CLSTN3: variants seen among roughly 807,000 people sequenced by gnomAD.
CLSTN3 encodes the protein calsyntenin 3, also known as calsyntenin-3.
In CLSTN3, 36 loss-of-function variants were observed where a neutral mutation model predicts 95.9. That is an observed-to-expected ratio of 0.38 (90% CI 0.29 to 0.50). CLSTN3 has a LOEUF of 0.50. Ranked by LOEUF, CLSTN3 falls within the 20% of genes least tolerant of loss-of-function variation. The probability of loss-of-function intolerance (pLI) is 0.95; values close to 1 mark genes in which losing one functional copy is unlikely to be tolerated. For missense variants in CLSTN3, 1,084 were observed against 1,268.8 expected (o/e 0.85, Z 2.21); for synonymous variants, 481 against 504.0 (o/e 0.95, Z 0.61).
rs182868588 is a variant in CLSTN3, at chr12:7,145,374, C to T, written c.1847+2063C>T. On this transcript the variant is annotated intron_variant, in intron 12 of 17. Transcript: ENST00000266546. ...GTGTGTGTGTGTGTGTGTGTGTGCG[C>T]GCGCATTTGTGTGTATGTAACAGAC... Among the ~76,000 whole-genome samples, 908 of 151,760 alleles carry T rather than the reference C, an allele frequency of 6.0e-3. 4 individuals carry two copies. Among genetic ancestry groups the T allele is most frequent in the Non-Finnish European group, 6.5e-3 (442 of 67,854 alleles).
At chr12:7,139,972 G>A (rs1301073732) in intron 8 of CLSTN3, among the ~76,000 whole-genome samples, 1 of 152,154 alleles carries the variant, frequency 6.6e-6, no homozygotes, top group Non-Finnish European at 1.5e-5. Context: ...GATCCCCTTG[G>A]CAACTGTGGG....
chr12:7,130,759 C>T, intron 1 of CLSTN3, 47 bp downstream of exon 1: 1 of 1,405,128 alleles, frequency 7.1e-7, no homozygotes, highest in Non-Finnish European at 9.8e-7. Context: ...CGTCGGGCAG[C>T]GCCGTGCGGG....
chr12:7,132,245 C>T, intron 1 of CLSTN3: 1 of 257,240 alleles, frequency 3.9e-6, no homozygotes. Flanking sequence ...GTTTGATGGT[C>T]TTGTGGAGGA....
In CLSTN3 at chr12:7,141,317, T is replaced by C; in HGVS notation, c.1399T>C (p.Ser467Pro). The C allele has an allele frequency of 2.5e-6, 4 of 1,614,172 alleles. No individual in the cohort carries two copies. Among genetic ancestry groups the C allele is most frequent in the Non-Finnish European group, 3.4e-6 (4 of 1,180,006 alleles). ...PTVTLYTDGI[S>P]FDPALIHDNG... Reference sequence around the variant, plus strand: ...AGTCACACTCTATACCGACGGCATCTCCTTCGACCCTGCCCTCATCCATGA... The same window carrying C: ...AGTCACACTCTATACCGACGGCATCCCCTTCGACCCTGCCCTCATCCATGA... The change falls in exon 9 of 18, where the codon TCC becomes CCC. Residue 467 changes from serine (S) to proline (P), a missense_variant. Transcript: ENST00000266546. The surrounding 1 kb of genome is among the most constrained non-coding windows in gnomAD (Gnocchi z 4.1).
In CLSTN3 at chr12:7,133,861, T is replaced by C. The variant is rs1939354627; in HGVS notation, c.383+93T>C. 20 of 1,036,248 alleles carry C rather than the reference T, an allele frequency of 1.9e-5. No individual in the cohort carries two copies. Among genetic ancestry groups the C allele is most frequent in the Non-Finnish European group, 2.7e-5 (19 of 715,050 alleles). The allele number at this position is 1,036,248 out of a possible 1,614,324, so 64.2% of individuals were successfully genotyped here. On this transcript the variant is annotated intron_variant, in intron 3 of 17. Transcript: ENST00000266546. The surrounding 1 kb of genome is among the most constrained non-coding windows in gnomAD (Gnocchi z 4.7). The stretch of plus-strand genomic sequence containing the variant: ...CCTCTGTCCGTGCGGTCATCGAATA[T>C]CCACCCCCACCCGCTGCTGTTCCTA...
In CLSTN3 at chr12:7,158,207, C is replaced by T; in HGVS notation, c.*126C>T. 8.1e-7 allele frequency: 1 copy of T among 1,236,104 alleles called. No homozygotes were observed. Among genetic ancestry groups the T allele is most frequent in the Non-Finnish European group, 1.1e-6 (1 of 924,592 alleles). 76.6% of individuals were successfully genotyped at this position (1,236,104 alleles called of 1,614,324 possible). On this transcript the variant is annotated 3_prime_UTR_variant, in exon 18 of 18. Transcript: ENST00000266546. ...GAGAGAGGCTTCAGAACCAGTCCTCCTTTCATTTCAAAACCCCAGCGGGCC... is the reference window on the plus strand; with the variant it reads ...GAGAGAGGCTTCAGAACCAGTCCTCTTTTCATTTCAAAACCCCAGCGGGCC...
intron 16 of CLSTN3, among the ~76,000 whole-genome samples, chr12:7,154,885 G>A (rs111430682): frequency 0.045 from 6,800 of 152,204 alleles, 503 homozygotes; most frequent in African/African-American, 0.15. Flanking sequence ...CATAACATGC[G>A]TACTATGAGA....
In CLSTN3 at chr12:7,141,713, C is replaced by T. The variant is rs977605093; in HGVS notation, c.1486+309C>T. On this transcript the variant is annotated intron_variant, in intron 9 of 17. Transcript: ENST00000266546. This position sits in a 1 kb window ranked among gnomAD's most constrained non-coding sequence, Gnocchi z 4.1. Reference sequence around the variant, plus strand: ...GTGATGATGACTTCCATAGCCCATTCCCCTGCTCAAGGAGAGTAACCCCTT... The same window carrying T: ...GTGATGATGACTTCCATAGCCCATTTCCCTGCTCAAGGAGAGTAACCCCTT... Among the ~76,000 whole-genome samples the T allele has an allele frequency of 6.6e-6, 1 of 152,232 alleles. No individual in the cohort carries two copies. Among genetic ancestry groups the T allele is most frequent in the African/African-American group, 2.4e-5 (1 of 41,460 alleles).
chr12:7,138,180 G>T, intron 8 of CLSTN3, 113 bp downstream of exon 8: 1 of 680,040 alleles, frequency 1.5e-6, no homozygotes, highest in East Asian at 2.9e-5. Context: ...CCCTCTCTTT[G>T]CTTCTTCACT....
chr12:7,150,461 A>AG lies in CLSTN3; in HGVS notation c.2246-82dup. 1.3e-6 allele frequency: 2 copies of AG among 1,503,244 alleles called. No individual in the cohort carries two copies. Among genetic ancestry groups the AG allele is most frequent in the Non-Finnish European group, 1.8e-6 (2 of 1,111,808 alleles). The allele number at this position is 1,503,244 out of a possible 1,614,324, so 93.1% of individuals were successfully genotyped here. ...CCTGCTCTACAGCTTGTGTGGCGTC[A>AG]GCTGGTGGGAGTCCAGGAGAGAGGG... On this transcript the variant is annotated intron_variant, in intron 14 of 17. Transcript: ENST00000266546. This position sits in a 1 kb window ranked among gnomAD's most constrained non-coding sequence, Gnocchi z 4.0.
intron 8 of CLSTN3, chr12:7,138,829 C>CAAAAAAAAAAA (rs5796259): frequency 1.2e-4 from 5 of 43,222 alleles, no homozygotes; most frequent in South Asian, 1.6e-3. Flanking sequence ...AAGCAAACGG[C>CAAAAAAAAAAA]AAAAAAAAAA....
Position 7,143,027 on chromosome 12 carries a change from G to A in CLSTN3, c.1698+1G>A. 6.2e-7 allele frequency: 1 copy of A among 1,612,960 alleles called. No individual in the cohort carries two copies. Among genetic ancestry groups the A allele is most frequent in the Non-Finnish European group, 8.5e-7 (1 of 1,179,258 alleles). On this transcript the variant is annotated splice_donor_variant, in intron 11 of 17. Coordinates refer to ENST00000266546, the MANE Select transcript of CLSTN3 (RefSeq NM_014718.4). LOFTEE classifies it high-confidence loss of function. ...CGAGAGCCTGGGCAAAGGCATGAAGGTATTGCCCCATCCTCTAGCCCTGTT... is the reference window on the plus strand; with the variant it reads ...CGAGAGCCTGGGCAAAGGCATGAAGATATTGCCCCATCCTCTAGCCCTGTT...
Position 7,133,678 on chromosome 12 carries a change from A to C in CLSTN3, c.293A>C (p.Asp98Ala). ...EGLIRAKEPV[D>A]CEAQKEHTFT... ...CTGATCCGGGCCAAGGAGCCTGTGG[A>C]CTGCGAGGCCCAGAAGGAACACACC... The change falls in exon 3 of 18, where the codon GAC (aspartate) becomes GCC (alanine). Residue 98 changes from aspartate to alanine, a missense_variant. Transcript: ENST00000266546. The surrounding 1 kb of genome is among the most constrained non-coding windows in gnomAD (Gnocchi z 4.7). The C allele has an allele frequency of 6.2e-7, 1 of 1,614,070 alleles. No homozygotes were observed.
At chr12:7,136,165 C>A in intron 5 of CLSTN3, 41 bp from the exon 6 acceptor site, 1 of 1,593,606 alleles carries the variant, frequency 6.3e-7, no homozygotes, top group Non-Finnish European at 8.6e-7. Flanking sequence ...GCTGCTTTAC[C>A]CTTCTCTCTC....
intron 8 of CLSTN3, among the ~76,000 whole-genome samples, chr12:7,140,969 C>T (rs770483252): frequency 6.6e-6 from 1 of 152,290 alleles, no homozygotes; most frequent in East Asian, 1.9e-4. Context: ...GGAATTTATT[C>T]ATGAAAGTGT....
chr12:7,148,071 G>A (rs141342545), intron 12 of CLSTN3, among the ~76,000 whole-genome samples: 245 of 151,910 alleles, frequency 1.6e-3, no homozygotes, highest in South Asian at 7.3e-3. Context: ...CAGAGGAATC[G>A]CTTGAACCCA....
In CLSTN3 at chr12:7,149,781, A is replaced by G. The variant is rs960135080; in HGVS notation, c.2245+88A>G. The G allele has an allele frequency of 1.4e-5, 18 of 1,274,530 alleles. No homozygotes were observed. The African/African-American group carries it at 2.7e-4, about 19-fold the overall frequency. The allele number at this position is 1,274,530 out of a possible 1,614,324, so 79.0% of individuals were successfully genotyped here. A position where few individuals can be genotyped will look rare whatever the true frequency, so the allele number is the denominator to read the frequency against. The stretch of plus-strand genomic sequence containing the variant: ...AGGAAGCCCAGAGGGTCCTCCTTCC[A>G]GGTCCAGGGATGTGGACAAGTGCCG... On this transcript the variant is annotated intron_variant, in intron 14 of 17. Transcript: ENST00000266546. The surrounding 1 kb of genome is among the most constrained non-coding windows in gnomAD (Gnocchi z 4.5).
In CLSTN3 at chr12:7,130,700, TC is replaced by T. The variant is rs1295975564; in HGVS notation, c.54del (p.Cys19ValfsTer28). 1.9e-6 allele frequency: 3 copies of T among 1,557,752 alleles called. No homozygotes were observed. The highest frequency in any genetic ancestry group is 2.6e-6 in the Non-Finnish European group (3 of 1,150,826). Reference sequence around the variant, plus strand: ...GCTGGCCTCTCTGCTCGCGTCCTGCTCCTGTAACAAAGGTGAGTGAGGTGGG... The same window carrying T: ...GCTGGCCTCTCTGCTCGCGTCCTGCTCTGTAACAAAGGTGAGTGAGGTGGG... ...LLLASLLASCSCNKANKHKPW... is the reference protein window; with the variant it reads ...LLLASLLASCXCNKANKHKPW... On this transcript the variant is annotated frameshift_variant, in exon 1 of 18. Transcript: ENST00000266546. LOFTEE classifies it high-confidence loss of function.
chr12:7,155,100 T>G (rs1366327542), intron 16 of CLSTN3, among the ~76,000 whole-genome samples: 5 of 152,160 alleles, frequency 3.3e-5, no homozygotes, highest in Non-Finnish European at 5.9e-5. Flanking sequence ...GACAGGGCTT[T>G]CCACTGTCCT....
Sources: gnomAD v4.1 joint callset for allele counts (sites outside exome capture counted in the v4.1 genomes callset) on GRCh38, gnomAD v4.1.1 for gene constraint, Gnocchi (gnomAD v3.1) non-coding constraint, MANE v1.5 for transcripts, NCBI Gene and HGNC (gene_info 2026-07-23, HGNC 2026-07-21) for gene names.